The following PLD5 variants were observed in gnomAD, a reference collection of about 807,000 sequenced individuals.
PLD5 encodes phospholipase D family member 5, also known as inactive phospholipase D5.
Under a neutral mutation model 61.1 loss-of-function variants are expected in PLD5, and 36 were observed. The ratio of observed to expected loss-of-function variants is 0.59; its 90% CI spans 0.45 to 0.78. PLD5 has a LOEUF of 0.78. Among genes scored for constraint, PLD5 ranks in the 30% least tolerant of loss-of-function variants. The probability of loss-of-function intolerance (pLI) is 0.00; values close to 1 mark genes in which losing one functional copy is unlikely to be tolerated. For missense variants in PLD5, 515 were observed against 644.4 expected, an observed-to-expected ratio of 0.80 and a Z score of 2.17; for synonymous variants, 243 against 242.8, an observed-to-expected ratio of 1.00 and a Z score of -0.01.
chr1:242,134,950 G>A (rs1383249866), intron 5 of PLD5, among the ~76,000 whole-genome samples: 9 of 152,146 alleles, frequency 5.9e-5, no homozygotes, highest in South Asian at 2.1e-4. Flanking sequence ...GAGTGCAATC[G>A]CTGCCCATCC....
At chr1:242,448,675 C>G (rs1666651030) in intron 1 of PLD5, among the ~76,000 whole-genome samples, 1 of 152,160 alleles carries the variant, frequency 6.6e-6, no homozygotes, top group Non-Finnish European at 1.5e-5. Flanking sequence ...GTAACTTCCA[C>G]AGTGAATTCT....
intron 5 of PLD5, among the ~76,000 whole-genome samples, chr1:242,134,919 A>G (rs917913677): frequency 6.6e-6 from 1 of 152,234 alleles, no homozygotes; most frequent in African/African-American, 2.4e-5. Context: ...CTGGACGACC[A>G]CTGGGCTAGC....
intron 1 of PLD5, among the ~76,000 whole-genome samples, chr1:242,495,319 ACAC>A (rs1668336224): frequency 6.6e-6 from 1 of 152,222 alleles, no homozygotes; most frequent in African/African-American, 2.4e-5. Flanking sequence ...AGCTAGACGG[ACAC>A]CACTTCTTCC....
chr1:242,366,558 T>A (rs1041706983), intron 1 of PLD5, among the ~76,000 whole-genome samples: 3 of 152,156 alleles, frequency 2.0e-5, no homozygotes, highest in Non-Finnish European at 4.4e-5. Context: ...GATTGCAGGT[T>A]TTGCCATTAA....
Position 242,333,028 on chromosome 1 carries a change from C to T in PLD5, c.326+15078G>A, listed in dbSNP as rs57335454. Among the ~76,000 whole-genome samples the T allele has an allele frequency of 7.6e-3, 1,149 of 152,160 alleles. 11 individuals are homozygous for T. Among genetic ancestry groups the T allele is most frequent in the African/African-American group, 0.026 (1,087 of 41,510 alleles). ...AGACAAGGAAGAAGGCTGTGCCCAG[C>T]GGAGAAAGCAATAGACATGAAGGCA... On this transcript the variant is annotated intron_variant, in intron 2 of 9. Transcript: ENST00000536534.
At chr1:242,323,659 A>G (rs559158207) in intron 2 of PLD5, among the ~76,000 whole-genome samples, 1 of 152,324 alleles carries the variant, frequency 6.6e-6, no homozygotes, top group East Asian at 1.9e-4. Flanking sequence ...TGCTGCCCCC[A>G]TTCAGAATTC....
intron 5 of PLD5, among the ~76,000 whole-genome samples, chr1:242,198,779 G>A (rs1198916077): frequency 6.6e-6 from 1 of 151,368 alleles, no homozygotes; most frequent in Admixed American, 6.6e-5. Flanking sequence ...TCGTTGCCCA[G>A]GCTGGAGTGC....
chr1:242,429,946 C>CCCG (rs1221467872), intron 1 of PLD5, among the ~76,000 whole-genome samples: 1 of 152,042 alleles, frequency 6.6e-6, no homozygotes, highest in Non-Finnish European at 1.5e-5. Context: ...AACTCATGCC[C>CCCG]CAACACAGAC....
upstream of PLD5, among the ~76,000 whole-genome samples, chr1:242,526,293 G>C (rs1285065447): frequency 6.6e-6 from 1 of 152,170 alleles, no homozygotes; most frequent in Non-Finnish European, 1.5e-5. Context: ...GGCTGAGGCG[G>C]GAGGATCGCT....
At chr1:242,149,729 A>G (rs143148374) in intron 5 of PLD5, among the ~76,000 whole-genome samples, 99 of 151,608 alleles carry the variant, frequency 6.5e-4, no homozygotes, top group African/African-American at 2.2e-3. Flanking sequence ...GAAAAAATTT[A>G]TCTGTTTCAT....
chr1:242,449,311 C>A, intron 1 of PLD5: 1 of 1,535,934 alleles, frequency 6.5e-7, no homozygotes, highest in South Asian at 1.2e-5. Context: ...AATTCTTTCC[C>A]AGGTAACACA....
chr1:242,186,178 A>C (rs1312869747), intron 5 of PLD5, among the ~76,000 whole-genome samples: 1 of 148,726 alleles, frequency 6.7e-6, no homozygotes, highest in South Asian at 2.3e-4. Context: ...ATATATATAT[A>C]TATACTTTTT....
intron 1 of PLD5, among the ~76,000 whole-genome samples, chr1:242,397,134 T>C (rs1663629831): frequency 1.3e-5 from 2 of 152,152 alleles, no homozygotes; most frequent in African/African-American, 2.4e-5. Flanking sequence ...ATCATTATTT[T>C]AAATACCACT....
chr1:242,328,339 T>C (rs549960929), intron 2 of PLD5, among the ~76,000 whole-genome samples: 27 of 152,200 alleles, frequency 1.8e-4, no homozygotes, highest in Non-Finnish European at 3.4e-4. Context: ...TTTACATACG[T>C]GTGTTCTACA....
At chr1:242,120,682 G>A (rs372754692) in intron 6 of PLD5, among the ~76,000 whole-genome samples, 36 of 152,262 alleles carry the variant, frequency 2.4e-4, no homozygotes, top group African/African-American at 8.2e-4. Flanking sequence ...AATGAAATCT[G>A]TCTAACATCT....
chr1:242,325,655 C>G (rs1477238154), intron 2 of PLD5, among the ~76,000 whole-genome samples: 1 of 152,008 alleles, frequency 6.6e-6, no homozygotes, highest in Non-Finnish European at 1.5e-5. Context: ...AGCATGGACT[C>G]TGGTCCTCTA....
At chr1:242,287,601 A>C (rs1265036837) in intron 3 of PLD5, among the ~76,000 whole-genome samples, 1 of 152,154 alleles carries the variant, frequency 6.6e-6, no homozygotes, top group Non-Finnish European at 1.5e-5. Flanking sequence ...ATTTTGCATA[A>C]AAGGAGACAA....
chr1:242,385,469 C>G (rs138123301), intron 1 of PLD5, among the ~76,000 whole-genome samples: 1 of 152,276 alleles, frequency 6.6e-6, no homozygotes, highest in African/African-American at 2.4e-5. Context: ...CACATTCTCA[C>G]CACCTGTTTC....
At chr1:242,227,826 C>CTTAAAAA (rs1671050185) in intron 4 of PLD5, among the ~76,000 whole-genome samples, 1 of 152,186 alleles carries the variant, frequency 6.6e-6, no homozygotes, top group Non-Finnish European at 1.5e-5. Flanking sequence ...TTATGATCAA[C>CTTAAAAA]TTAAAAATTC....
Sources: allele counts gnomAD v4.1 joint callset (sites outside exome capture counted in the v4.1 genomes callset), GRCh38; gene constraint gnomAD v4.1.1; transcripts MANE v1.5; gene names NCBI Gene and HGNC (gene_info 2026-07-23, HGNC 2026-07-21).